Variants in SLC17A8 observed in about 807,000 individuals in gnomAD.
SLC17A8 encodes the protein vesicular glutamate transporter 3.
Under a neutral mutation model 58.0 loss-of-function variants are expected in SLC17A8, and 31 were observed. That is an observed-to-expected ratio of 0.53 (90% CI 0.40 to 0.72). The LOEUF (loss-of-function observed/expected upper bound fraction) is 0.72, where lower values mean the gene tolerates loss of function less well. SLC17A8 is among the 30% of genes least tolerant of loss of function. SLC17A8 has a pLI of 0.00. For missense variants in SLC17A8, 655 were observed against 727.8 expected (o/e 0.90, Z 1.15); for synonymous variants, 228 against 249.0 (o/e 0.92, Z 0.79).
At chr12:100,373,675 C>G (rs1952574618) in intron 1 of SLC17A8, among the ~76,000 whole-genome samples, 1 of 151,240 alleles carries the variant, frequency 6.6e-6, no homozygotes, top group Admixed American at 6.6e-5. Context: ...ACCTCCGCCT[C>G]CTAGGTTCAA....
chr12:100,404,390 T>TTACCTTTCTACCTATCCA, intron 9 of SLC17A8: 1 of 576,566 alleles, frequency 1.7e-6, no homozygotes, highest in Non-Finnish European at 3.1e-6. Flanking sequence ...TATTGTTTGC[T>TTACCTTTCTACCTATCCA]TATGTAGTTT....
rs752010792 is a variant in SLC17A8, at chr12:100,404,176, G to A, written c.1186+6G>A. 5 of 1,614,034 alleles carry A rather than the reference G, an allele frequency of 3.1e-6. No homozygotes were observed. The East Asian group carries it at 6.7e-5, about 22-fold the overall frequency. ...AAAAATCATGAACTGTGGAGGTACT[G>A]TGGATTTCATAGATGGCTTAGGCAG... On this transcript the variant is annotated splice_donor_region_variant and intron_variant, in intron 9 of 11. Transcript: ENST00000323346.
At chr12:100,366,871 GA>G (rs1253797427) in intron 1 of SLC17A8, among the ~76,000 whole-genome samples, 1 of 152,206 alleles carries the variant, frequency 6.6e-6, no homozygotes, top group Non-Finnish European at 1.5e-5. Context: ...CCTATGGGCT[GA>G]TTCCCTAACT....
At chr12:100,390,916 G>T in intron 2 of SLC17A8, 85 bp from the exon 3 acceptor site, 1 of 866,534 alleles carries the variant, frequency 1.2e-6, no homozygotes, top group East Asian at 2.4e-5. Flanking sequence ...ACCTCATGAG[G>T]TAATTATTGT....
At chr12:100,365,972 A>G (rs1055755375) in intron 1 of SLC17A8, among the ~76,000 whole-genome samples, 2 of 151,858 alleles carry the variant, frequency 1.3e-5, no homozygotes, top group Admixed American at 1.3e-4. Flanking sequence ...TATGGAAAGA[A>G]TGCACCAGAT....
At chr12:100,385,476 G>T (rs925732107) in intron 2 of SLC17A8, among the ~76,000 whole-genome samples, 2 of 152,220 alleles carry the variant, frequency 1.3e-5, no homozygotes, top group East Asian at 1.9e-4. Flanking sequence ...GACTTCAGGT[G>T]ATCTGTCCAC....
chr12:100,402,292 G>A (rs780356911), intron 6 of SLC17A8, 48 bp from the exon 7 acceptor site: 25 of 1,604,730 alleles, frequency 1.6e-5, no homozygotes, highest in African/African-American at 9.4e-5. Flanking sequence ...ATTTAGAAAC[G>A]GAAGAAAATG....
In SLC17A8 at chr12:100,421,658, G is replaced by GTTTTTTTTTTT. The variant is rs59689031; in HGVS notation, c.*1511_*1521dup. The GTTTTTTTTTTT allele has an allele frequency of 7.5e-3, 825 of 109,550 alleles. 2 individuals carry two copies. Among genetic ancestry groups the GTTTTTTTTTTT allele is most frequent in the African/African-American group, 0.012 (293 of 25,064 alleles). The allele number at this position is 109,550 out of a possible 1,614,324, so 6.8% of individuals were successfully genotyped here. ...TACTTGTAGCTTATTATTGTAAAGT[G>GTTTTTTTTTTT]TTTTTTTTTTTTTTTTTTTTTTCTA... On this transcript the variant is annotated 3_prime_UTR_variant, in exon 12 of 12. Coordinates refer to ENST00000323346, the MANE Select transcript of SLC17A8 (RefSeq NM_139319.3).
intron 4 of SLC17A8, among the ~76,000 whole-genome samples, chr12:100,395,719 T>G (rs962136179): frequency 1.3e-5 from 2 of 152,152 alleles, no homozygotes; most frequent in African/African-American, 4.8e-5. Flanking sequence ...TTCAGGCGAT[T>G]CTTGTGCCTC....
chr12:100,377,585 A>ATTTTTTT (rs35397911), intron 1 of SLC17A8, among the ~76,000 whole-genome samples: 1 of 84,034 alleles, frequency 1.2e-5, no homozygotes, highest in African/African-American at 4.9e-5. Flanking sequence ...ATATATATAT[A>ATTTTTTT]TTTTTTTTTT....
intron 10 of SLC17A8, among the ~76,000 whole-genome samples, chr12:100,416,638 G>T (rs1301647492): frequency 3.3e-5 from 5 of 152,054 alleles, no homozygotes; most frequent in Non-Finnish European, 7.4e-5. Context: ...AGTAGCTGAA[G>T]CTGGTAATTA....
intron 9 of SLC17A8, among the ~76,000 whole-genome samples, chr12:100,406,136 T>C (rs1952824612): frequency 6.6e-6 from 1 of 152,198 alleles, no homozygotes; most frequent in African/African-American, 2.4e-5. Flanking sequence ...TCTTTCCCTG[T>C]GAGTTCTCAC....
chr12:100,373,080 C>G (rs1197953911), intron 1 of SLC17A8, among the ~76,000 whole-genome samples: 1 of 152,090 alleles, frequency 6.6e-6, no homozygotes, highest in Non-Finnish European at 1.5e-5. Flanking sequence ...GTTTGCTGGA[C>G]AACTGTGCCT....
chr12:100,399,330 G>A, intron 5 of SLC17A8, among the ~76,000 whole-genome samples: 1 of 147,260 alleles, frequency 6.8e-6, no homozygotes, highest in East Asian at 1.9e-4. Context: ...AAGGGGCTGT[G>A]TCTAATAGGA....
chr12:100,393,361 T>TC lies in SLC17A8; in HGVS notation c.474-3dup, dbSNP rs757414143. The TC allele has an allele frequency of 6.2e-7, 1 of 1,604,366 alleles. No homozygotes were observed. Among genetic ancestry groups the TC allele is most frequent in the African/African-American group, 1.3e-5 (1 of 74,812 alleles). ...CCTGCCGAATAACACAATGCTTTGG[T>TC]CCCCCAGGGTCTTTGGAGCTGCCAT... On this transcript the variant is annotated splice_polypyrimidine_tract_variant and splice_region_variant and intron_variant, in intron 3 of 11. Transcript: ENST00000323346.
At chr12:100,382,308 G>C (rs951416365) in intron 2 of SLC17A8, among the ~76,000 whole-genome samples, 1 of 152,244 alleles carries the variant, frequency 6.6e-6, no homozygotes, top group African/African-American at 2.4e-5. Flanking sequence ...GGCCAGTTCA[G>C]AGGCCATCAT....
chr12:100,412,239 A>C (rs1046208677), intron 9 of SLC17A8, among the ~76,000 whole-genome samples: 1 of 152,160 alleles, frequency 6.6e-6, no homozygotes, highest in African/African-American at 2.4e-5. Context: ...CACCCAGGGA[A>C]TATTAGCAAA....
chr12:100,404,923 A>G (rs756889113), intron 9 of SLC17A8, among the ~76,000 whole-genome samples: 2 of 152,204 alleles, frequency 1.3e-5, no homozygotes, highest in Non-Finnish European at 2.9e-5. Context: ...GTTTGCGGCT[A>G]CCCCTCTGGA....
chr12:100,415,384 A>G (rs925951317), intron 10 of SLC17A8, among the ~76,000 whole-genome samples: 5 of 150,940 alleles, frequency 3.3e-5, no homozygotes, highest in Non-Finnish European at 7.4e-5. Context: ...CAGTGAGCCA[A>G]GATTGCACCA....
Sources: gnomAD v4.1 joint callset for allele counts (sites outside exome capture counted in the v4.1 genomes callset) on GRCh38, gnomAD v4.1.1 for gene constraint, MANE v1.5 for transcripts, NCBI Gene and HGNC (gene_info 2026-07-23, HGNC 2026-07-21) for gene names.